The following EXOC4 variants were observed in gnomAD, a reference collection of about 807,000 sequenced individuals.
EXOC4 encodes the protein SEC8-like 1.
In EXOC4, 71 loss-of-function variants were observed where a neutral mutation model predicts 107.2. The observed-to-expected ratio is 0.66, with a 90% CI of 0.55 to 0.81. The LOEUF (loss-of-function observed/expected upper bound fraction) is 0.81, where lower values mean the gene tolerates loss of function less well. Among genes scored for constraint, EXOC4 ranks in the 30% least tolerant of loss-of-function variants. The probability of loss-of-function intolerance (pLI) is 0.00; values close to 1 mark genes in which losing one functional copy is unlikely to be tolerated. For synonymous variants in EXOC4, 456 were observed against 441.2 expected, an observed-to-expected ratio of 1.03 and a Z score of -0.42; for missense variants, 1,108 against 1,189.6, an observed-to-expected ratio of 0.93 and a Z score of 1.01.
chr7:133,253,309 C>T (rs1647032818), intron 1 of EXOC4, 122 bp downstream of exon 1: 8 of 1,441,388 alleles, frequency 5.6e-6, no homozygotes, highest in Non-Finnish European at 7.3e-6. Flanking sequence ...CTCCCGCAGC[C>T]CCTCCCCAGG....
intron 2 of EXOC4, among the ~76,000 whole-genome samples, chr7:133,286,580 G>C (rs1003109479): frequency 1.3e-5 from 2 of 152,160 alleles, no homozygotes; most frequent in South Asian, 4.1e-4. Context: ...TATGGAGCTT[G>C]TCCATAATGA....
intron 9 of EXOC4, among the ~76,000 whole-genome samples, chr7:133,621,975 CT>C (rs1258225975): frequency 1.3e-5 from 2 of 152,066 alleles, no homozygotes; most frequent in African/African-American, 4.8e-5. Context: ...GTCTGTCTGT[CT>C]GTCCATCCAT....
chr7:133,576,802 A>C (rs775305650), intron 9 of EXOC4: 1 of 1,289,598 alleles, frequency 7.8e-7, no homozygotes, highest in Non-Finnish European at 1.0e-6. Context: ...CCTTCTGTGC[A>C]TGGCAAGTTT....
At chr7:133,378,536 G>T (rs1301320912) in intron 7 of EXOC4, among the ~76,000 whole-genome samples, 1 of 151,882 alleles carries the variant, frequency 6.6e-6, no homozygotes, top group Admixed American at 6.6e-5. Context: ...TATTTTGGAA[G>T]GCAATATATG....
At chr7:133,729,652 T>C (rs959934427) in intron 10 of EXOC4, among the ~76,000 whole-genome samples, 2 of 152,136 alleles carry the variant, frequency 1.3e-5, no homozygotes, top group African/African-American at 4.8e-5. Context: ...CTTTGGTCTT[T>C]TCAAAGATGG....
In EXOC4 at chr7:133,855,079, C is replaced by CTAAATATATCTAAATATATA. The variant is rs1554409712; in HGVS notation, c.1734+37544_1734+37545insCTAAATATATATAAATATAT. On this transcript the variant is annotated intron_variant, in intron 11 of 17. Transcript: ENST00000253861. ...TATATCTAAATATATCTAAATATAT[C>CTAAATATATCTAAATATATA]TAAATATATATAAATATATATATAA... Among the ~76,000 whole-genome samples the CTAAATATATCTAAATATATA allele has an allele frequency of 3.4e-3, 148 of 43,726 alleles. 2 individuals are homozygous for CTAAATATATCTAAATATATA. Among genetic ancestry groups the CTAAATATATCTAAATATATA allele is most frequent in the African/African-American group, 0.021 (136 of 6,626 alleles). The allele number at this position is 43,726 out of a possible 152,430, so 28.7% of individuals were successfully genotyped here. A position where few individuals can be genotyped will look rare whatever the true frequency, so the allele number is the denominator to read the frequency against.
intron 14 of EXOC4, among the ~76,000 whole-genome samples, chr7:133,964,974 C>G (rs1203382579): frequency 1.3e-5 from 2 of 152,196 alleles, no homozygotes; most frequent in African/African-American, 4.8e-5. Flanking sequence ...TATTTCTCCA[C>G]ATCCCCTCCA....
In EXOC4 at chr7:133,995,081, A is replaced by G. The variant is rs10428914; in HGVS notation, c.2207-2411A>G. Among the ~76,000 whole-genome samples the G allele has an allele frequency of 5.3e-3, 811 of 152,300 alleles. 7 individuals carry two copies. Among genetic ancestry groups the G allele is most frequent in the African/African-American group, 0.019 (774 of 41,568 alleles). On this transcript the variant is annotated intron_variant, in intron 14 of 17. Coordinates refer to ENST00000253861, the MANE Select transcript of EXOC4 (RefSeq NM_021807.4). ...TTGCCATAGATTATGGTCAAGTGAA[A>G]TGTACAGTGTGCTGTTACCTGAAAC...
intron 9 of EXOC4, among the ~76,000 whole-genome samples, chr7:133,503,316 CA>C (rs1331562109): frequency 2.0e-5 from 3 of 152,026 alleles, no homozygotes; most frequent in African/African-American, 7.2e-5. Context: ...CAGAATACAC[CA>C]AAAATGAATG....
chr7:133,900,587 A>G (rs1799429109), intron 12 of EXOC4, among the ~76,000 whole-genome samples: 1 of 152,122 alleles, frequency 6.6e-6, no homozygotes, highest in Non-Finnish European at 1.5e-5. Context: ...CCTGTGCTTT[A>G]GGGAAATTTT....
In EXOC4 at chr7:133,534,900, A is replaced by G. The variant is rs543321581; in HGVS notation, c.1417+54762A>G. ...GGTGAATTTTATGCTTGGAGCTGTT[A>G]TTATCCCATGTGGTATCTGTTGCTT... On this transcript the variant is annotated intron_variant, in intron 9 of 17. Coordinates refer to ENST00000253861, the MANE Select transcript of EXOC4 (RefSeq NM_021807.4). Among the ~76,000 whole-genome samples the G allele has an allele frequency of 3.9e-5, 6 of 152,178 alleles. No individual in the cohort carries two copies. In the East Asian group the frequency reaches 1.2e-3, roughly 29 times the overall value.
At chr7:133,823,847 A>C in intron 11 of EXOC4, among the ~76,000 whole-genome samples, 1 of 2,536 alleles carries the variant, frequency 3.9e-4, no homozygotes, top group Non-Finnish European at 6.0e-4. Context: ...TATATATTAT[A>C]TATATATATA....
At chr7:133,902,525 G>T (rs1799475361) in intron 12 of EXOC4, among the ~76,000 whole-genome samples, 1 of 152,140 alleles carries the variant, frequency 6.6e-6, no homozygotes, top group South Asian at 2.1e-4. Flanking sequence ...TGGGAGAGGG[G>T]AGATAGACAA....
In EXOC4 at chr7:133,544,863, T is replaced by C. The variant is rs191821628; in HGVS notation, c.1417+64725T>C. Among the ~76,000 whole-genome samples, 1,029 of 152,058 alleles carry C rather than the reference T, an allele frequency of 6.8e-3. 11 individuals are homozygous for C. The highest frequency in any genetic ancestry group is 0.011 in the Non-Finnish European group (780 of 67,910). On this transcript the variant is annotated intron_variant, in intron 9 of 17. Transcript: ENST00000253861. The stretch of plus-strand genomic sequence containing the variant: ...TTTTTTTTTCCCCTGGTCACTGTTT[T>C]TCAGGGCTCTTTGTATCTTGTACAT...
chr7:133,937,855 T>C (rs1800339713), intron 13 of EXOC4, 36 bp from the exon 14 acceptor site: 1 of 1,608,826 alleles, frequency 6.2e-7, no homozygotes, highest in East Asian at 2.2e-5. Flanking sequence ...TTTTCCATGC[T>C]GTATATATGA....
chr7:133,378,637 G>T (rs1796545955), intron 7 of EXOC4, among the ~76,000 whole-genome samples: 1 of 151,892 alleles, frequency 6.6e-6, no homozygotes, highest in Admixed American at 6.6e-5. Flanking sequence ...TAATGTTTAG[G>T]GTAGCCTATG....
intron 10 of EXOC4, among the ~76,000 whole-genome samples, chr7:133,677,120 A>G (rs796808669): frequency 2.6e-5 from 4 of 152,258 alleles, no homozygotes; most frequent in African/African-American, 4.8e-5. Context: ...TTTCATATAC[A>G]TGAGAAAAAA....
chr7:133,893,379 G>C lies in EXOC4; in HGVS notation c.1735-2220G>C, dbSNP rs200492625. Among the ~76,000 whole-genome samples, 21 of 81,698 alleles carry C rather than the reference G, an allele frequency of 2.6e-4. 5 individuals carry two copies. The highest frequency in any genetic ancestry group is 2.4e-3 in the African/African-American group (16 of 6,542). 53.6% of individuals were successfully genotyped at this position (81,698 alleles called of 152,430 possible). Reference sequence around the variant, plus strand: ...CACTGATGGGTCTTGACTCTTTATCGAACTTGCCAGTCTGTGTCTTTTAAT... The same window carrying C: ...CACTGATGGGTCTTGACTCTTTATCCAACTTGCCAGTCTGTGTCTTTTAAT... On this transcript the variant is annotated intron_variant, in intron 11 of 17. Transcript: ENST00000253861.
intron 10 of EXOC4, among the ~76,000 whole-genome samples, chr7:133,782,230 A>G (rs1459165187): frequency 6.6e-6 from 1 of 152,214 alleles, no homozygotes; most frequent in Non-Finnish European, 1.5e-5. Flanking sequence ...ATTTATCCAT[A>G]TCCATAGGTT....
Sources: allele counts gnomAD v4.1 joint callset (sites outside exome capture counted in the v4.1 genomes callset), GRCh38; gene constraint gnomAD v4.1.1; transcripts MANE v1.5; gene names NCBI Gene and HGNC (gene_info 2026-07-23, HGNC 2026-07-21).